MYT1L: variants seen among roughly 807,000 people sequenced by gnomAD.
MYT1L encodes the protein myelin transcription factor 1-like protein.
Under a neutral mutation model 126.7 loss-of-function variants are expected in MYT1L, and 12 were observed. The ratio of observed to expected loss-of-function variants is 0.09; its 90% CI spans 0.06 to 0.15. MYT1L has a LOEUF of 0.15. Ranked by LOEUF, MYT1L falls within the 10% of genes least tolerant of loss-of-function variation. The probability of loss-of-function intolerance (pLI) is 1.00; values close to 1 mark genes in which losing one functional copy is unlikely to be tolerated. For synonymous variants in MYT1L, 541 were observed against 604.2 expected (o/e 0.90, Z 1.53); for missense variants, 979 against 1,585.2 (o/e 0.62, Z 6.49).
intron 3 of MYT1L, among the ~76,000 whole-genome samples, chr2:2,166,516 T>C (rs1327037706): frequency 1.3e-5 from 2 of 152,260 alleles, no homozygotes; most frequent in Non-Finnish European, 2.9e-5. Flanking sequence ...TGTTATTCTC[T>C]GGCTGCGACC....
At chr2:2,004,541 GC>G (rs2062930847) in intron 4 of MYT1L, among the ~76,000 whole-genome samples, 1 of 149,512 alleles carries the variant, frequency 6.7e-6, no homozygotes, top group Admixed American at 6.6e-5. Flanking sequence ...GTTCTTTCCT[GC>G]ATGCGTTCTT....
chr2:2,004,208 T>TGTGTTCTTTCCTGCAG (rs2062801722), intron 4 of MYT1L, among the ~76,000 whole-genome samples: 1 of 95,956 alleles, frequency 1.0e-5, no homozygotes, highest in South Asian at 3.7e-4. Context: ...CTTTCCTGAA[T>TGTGTTCTTTCCTGCAG]GTGTTCTTTC....
intron 3 of MYT1L, among the ~76,000 whole-genome samples, chr2:2,113,803 CT>C (rs1464942588): frequency 6.6e-6 from 1 of 151,952 alleles, no homozygotes; most frequent in African/African-American, 2.4e-5. Context: ...GAAAATATTA[CT>C]GCCTCCATTA....
At chr2:1,964,682 A>G (rs982029762) in intron 8 of MYT1L, among the ~76,000 whole-genome samples, 2 of 152,256 alleles carry the variant, frequency 1.3e-5, no homozygotes, top group African/African-American at 4.8e-5. Context: ...TTTAAAAAAC[A>G]ACAGACTGCA....
intron 8 of MYT1L, among the ~76,000 whole-genome samples, chr2:1,960,352 G>C (rs1185765901): frequency 1.3e-5 from 2 of 152,190 alleles, no homozygotes; most frequent in African/African-American, 4.8e-5. Flanking sequence ...AGGACAGGGC[G>C]GGGGACGGTG....
At chr2:2,136,020 T>C (rs2083005424) in intron 3 of MYT1L, among the ~76,000 whole-genome samples, 1 of 152,200 alleles carries the variant, frequency 6.6e-6, no homozygotes, top group African/African-American at 2.4e-5. Context: ...GTGGTACATA[T>C]ACACCATGGA....
intron 8 of MYT1L, among the ~76,000 whole-genome samples, chr2:1,955,022 T>C (rs2058218977): frequency 6.6e-6 from 1 of 151,728 alleles, no homozygotes; most frequent in African/African-American, 2.4e-5. Context: ...CGTCGTGGCA[T>C]GCACCTGTAA....
intron 2 of MYT1L, among the ~76,000 whole-genome samples, chr2:2,190,819 CTT>C (rs1338301810): frequency 3.9e-5 from 6 of 152,146 alleles, no homozygotes; most frequent in African/African-American, 7.2e-5. Flanking sequence ...GAGTTTCACT[CTT>C]GTTTCCCAGG....
intron 8 of MYT1L, among the ~76,000 whole-genome samples, chr2:1,965,713 C>T (rs1266481283): frequency 6.6e-6 from 1 of 152,232 alleles, no homozygotes; most frequent in South Asian, 2.1e-4. Context: ...ATCATCCTGA[C>T]CTTAAACCCA....
intron 3 of MYT1L, among the ~76,000 whole-genome samples, chr2:2,165,628 A>C (rs2088933337): frequency 1.3e-5 from 2 of 152,232 alleles, no homozygotes; most frequent in African/African-American, 4.8e-5. Context: ...GGATATATAA[A>C]AGGAAAATAA....
At chr2:2,329,612 T>C (rs1429350471) in intron 1 of MYT1L, among the ~76,000 whole-genome samples, 1 of 152,196 alleles carries the variant, frequency 6.6e-6, no homozygotes, top group Non-Finnish European at 1.5e-5. Flanking sequence ...TAAAGAAATA[T>C]GGCTGATTAA....
chr2:2,004,486 CTTTCCTGCAGGCAT>C, intron 4 of MYT1L, among the ~76,000 whole-genome samples: 1 of 149,660 alleles, frequency 6.7e-6, no homozygotes, highest in Admixed American at 6.6e-5. Flanking sequence ...TGCTTGCCTT[CTTTCCTGCAGGCAT>C]TCTTTCCTGC....
intron 4 of MYT1L, among the ~76,000 whole-genome samples, chr2:2,034,160 G>C (rs1194921747): frequency 6.6e-6 from 1 of 152,144 alleles, no homozygotes; most frequent in Non-Finnish European, 1.5e-5. Context: ...GAAGGGAAAG[G>C]AGCTAAGCAG....
chr2:2,222,885 G>T (rs908871267), intron 2 of MYT1L, among the ~76,000 whole-genome samples: 1 of 152,078 alleles, frequency 6.6e-6, no homozygotes, highest in African/African-American at 2.4e-5. Context: ...AAATGATATT[G>T]AAAATTATTA....
intron 10 of MYT1L, among the ~76,000 whole-genome samples, chr2:1,921,454 T>C (rs2149098320): frequency 6.6e-6 from 1 of 152,330 alleles, no homozygotes; most frequent in East Asian, 1.9e-4. Context: ...AGTATACATA[T>C]ATATGTAAAG....
chr2:2,088,692 T>C lies in MYT1L; in HGVS notation c.-303-34569A>G, dbSNP rs73173905. Among the ~76,000 whole-genome samples, 1,301 of 152,264 alleles carry C rather than the reference T, an allele frequency of 8.5e-3. 21 individuals carry two copies. The highest frequency in any genetic ancestry group is 0.03 in the African/African-American group (1,226 of 41,550). On this transcript the variant is annotated intron_variant, in intron 3 of 24. Transcript: ENST00000647738. ...AAAAAATATGTAATTTTCCTCTACT[T>C]GAGCTTCAATACAGATTAGTGTACC...
chr2:2,320,077 G>A (rs760214726), intron 1 of MYT1L, among the ~76,000 whole-genome samples: 1 of 152,048 alleles, frequency 6.6e-6, no homozygotes, highest in Non-Finnish European at 1.5e-5. Flanking sequence ...TTAAAATGCA[G>A]AATCTAAAAA....
chr2:2,138,910 G>A (rs142964491), intron 3 of MYT1L, among the ~76,000 whole-genome samples: 177 of 151,042 alleles, frequency 1.2e-3, no homozygotes, highest in Middle Eastern at 3.5e-3. Context: ...CGCCTGGGCC[G>A]CAGTAAAGGC....
chr2:2,195,368 A>G (rs1451046482), intron 2 of MYT1L, among the ~76,000 whole-genome samples: 1 of 152,234 alleles, frequency 6.6e-6, no homozygotes, highest in African/African-American at 2.4e-5. Flanking sequence ...AAAATAGCTC[A>G]GCTCTCACAG....
Sources: allele counts gnomAD v4.1 joint callset (sites outside exome capture counted in the v4.1 genomes callset), GRCh38; gene constraint gnomAD v4.1.1; transcripts MANE v1.5; gene names NCBI Gene and HGNC (gene_info 2026-07-23, HGNC 2026-07-21).